PLEKHA6: variants seen among roughly 807,000 people sequenced by gnomAD.
PLEKHA6 encodes the protein pleckstrin homology domain-containing family A member 6.
A neutral mutation model predicts 116.7 loss-of-function variants in PLEKHA6; 60 were observed. The ratio of observed to expected loss-of-function variants is 0.51; its 90% CI spans 0.42 to 0.64. The LOEUF is 0.64. PLEKHA6 is among the 30% of genes least tolerant of loss of function. The pLI is 0.00. For missense variants in PLEKHA6, 1,338 were observed against 1,422.7 expected (o/e 0.94, Z 0.96); for synonymous variants, 489 against 556.1 (o/e 0.88, Z 1.70).
intron 15 of PLEKHA6, 51 bp from the exon 16 acceptor site, chr1:204,241,865 C>A: frequency 6.2e-7 from 1 of 1,600,220 alleles, no homozygotes; most frequent in South Asian, 1.1e-5. Flanking sequence ...CTGTCAGGAA[C>A]TTGGCCCCCA....
Position 204,245,637 on chromosome 1 carries a change from GC to G in PLEKHA6, c.2009del (p.Gly670AlafsTer35). 1 of 1,611,838 alleles carries G rather than the reference GC, an allele frequency of 6.2e-7. No individual in the cohort carries two copies. On this transcript the variant is annotated frameshift_variant, in exon 14 of 23. Coordinates refer to ENST00000272203, the MANE Select transcript of PLEKHA6 (RefSeq NM_014935.5). LOFTEE classifies it high-confidence loss of function. ...CACCTCTGTGCTTGGCGGTGTCCGTGCCCCGGGAGGGGTTGTTCTTCCTCAG... is the reference window on the plus strand; with the variant it reads ...CACCTCTGTGCTTGGCGGTGTCCGTGCCCGGGAGGGGTTGTTCTTCCTCAG... ...EGLRKNNPSR[G>X]TDTAKHRGGL...
chr1:204,245,040 AG>A, intron 14 of PLEKHA6, 37 bp from the exon 15 acceptor site: 1 of 1,382,402 alleles, frequency 7.2e-7, no homozygotes, highest in Non-Finnish European at 9.4e-7. Context: ...GCAATGGAGG[AG>A]GGGTGCGGCC....
In PLEKHA6 at chr1:204,356,425, G is replaced by A. The variant is rs1439182388; in HGVS notation, c.-95+3269C>T. Among the ~76,000 whole-genome samples the A allele has an allele frequency of 3.9e-5, 6 of 152,150 alleles. No individual in the cohort carries two copies. The East Asian group carries it at 7.7e-4, about 20-fold the overall frequency. On this transcript the variant is annotated intron_variant, in intron 1 of 22. Coordinates refer to ENST00000272203, the MANE Select transcript of PLEKHA6 (RefSeq NM_014935.5). ...TATCAAAAATACATAAAATTAGCCA[G>A]GTATGGTGACATGCACCTGTAGACC...
chr1:204,222,965 C>T (rs887401257), intron 22 of PLEKHA6, among the ~76,000 whole-genome samples, 186 bp from the exon 23 acceptor site: 1 of 152,138 alleles, frequency 6.6e-6, no homozygotes. Context: ...TGAGAGTGAG[C>T]GGCTGTGGGC....
Position 204,259,805 on chromosome 1 carries a change from C to T in PLEKHA6, c.525-65G>A. The T allele has an allele frequency of 6.6e-7, 1 of 1,508,326 alleles. No homozygotes were observed. The highest frequency in any genetic ancestry group is 8.9e-7 in the Non-Finnish European group (1 of 1,127,520). 93.4% of individuals were successfully genotyped at this position (1,508,326 alleles called of 1,614,324 possible). A position where few individuals can be genotyped will look rare whatever the true frequency, so the allele number is the denominator to read the frequency against. ...CCAGCATGGAGTGGGGCAGGGGGTG[C>T]CAGACTGGGAAGAAGAGGAGTGGGG... On this transcript the variant is annotated intron_variant, in intron 7 of 22. Coordinates refer to ENST00000272203, the MANE Select transcript of PLEKHA6 (RefSeq NM_014935.5). This position sits in a 1 kb window ranked among gnomAD's most constrained non-coding sequence, Gnocchi z 4.6.
At chr1:204,370,067 C>G (rs184893288) in intron 2 of PLEKHA6, among the ~76,000 whole-genome samples, 1 of 152,354 alleles carries the variant, frequency 6.6e-6, no homozygotes, top group African/African-American at 2.4e-5. Context: ...ACACTGGAAG[C>G]AATAGAACCA....
At position 204,330,086 on chromosome 1, in the gene PLEKHA6, T is replaced by C. The variant is rs541069868; in HGVS notation, c.-95+29608A>G. On this transcript the variant is annotated intron_variant, in intron 1 of 22. Coordinates refer to ENST00000272203, the MANE Select transcript of PLEKHA6 (RefSeq NM_014935.5). ...TATAAACAGTAACAGGACAGTTGAT[T>C]ACATTAAGGAATTGTTCATTTTGTT... Among the ~76,000 whole-genome samples, 6 of 152,330 alleles carry C rather than the reference T, an allele frequency of 3.9e-5. No homozygotes were observed. In the South Asian group the frequency reaches 8.3e-4, roughly 21 times the overall value.
intron 1 of PLEKHA6, among the ~76,000 whole-genome samples, chr1:204,353,555 G>A (rs1673338765): frequency 6.6e-6 from 1 of 152,122 alleles, no homozygotes; most frequent in South Asian, 2.1e-4. Flanking sequence ...CAGTGGCCAG[G>A]GCCACCGGGA....
In PLEKHA6 at chr1:204,238,961, T is replaced by C. The variant is rs1199692577; in HGVS notation, c.2409+2414A>G. Among the ~76,000 whole-genome samples, 1 of 152,164 alleles carries C rather than the reference T, an allele frequency of 6.6e-6. No homozygotes were observed. The highest frequency in any genetic ancestry group is 1.5e-5 in the Non-Finnish European group (1 of 68,036). On this transcript the variant is annotated intron_variant, in intron 17 of 22. Transcript: ENST00000272203. The surrounding 1 kb of genome is among the most constrained non-coding windows in gnomAD (Gnocchi z 4.2). Reference sequence around the variant, plus strand: ...ATACTGATTCATGGGCTGTAGCCAATGGTTTGGCTGGATGGTCAGGGACTT... The same window carrying C: ...ATACTGATTCATGGGCTGTAGCCAACGGTTTGGCTGGATGGTCAGGGACTT...
intron 1 of PLEKHA6, chr1:204,280,325 C>T (rs749024676): frequency 2.5e-5 from 25 of 985,290 alleles, no homozygotes; most frequent in Admixed American, 6.1e-5. Context: ...CCAAGTTTCA[C>T]GATCTTTTGC....
intron 11 of PLEKHA6, 92 bp downstream of exon 11, chr1:204,249,092 C>A: frequency 1.4e-6 from 2 of 1,476,134 alleles, no homozygotes; most frequent in South Asian, 2.4e-5. Context: ...CTTGCTTTGT[C>A]ATCTCAGTCA....
intron 21 of PLEKHA6, among the ~76,000 whole-genome samples, chr1:204,224,958 C>T (rs1660138025): frequency 6.6e-6 from 1 of 152,208 alleles, no homozygotes; most frequent in Non-Finnish European, 1.5e-5. Flanking sequence ...GCGAGGCTCT[C>T]AGAATTTACT....
At chr1:204,368,316 A>G (rs1296007560) in intron 2 of PLEKHA6, 1 of 152,222 alleles carries the variant, frequency 6.6e-6, no homozygotes, top group East Asian at 1.9e-4. Context: ...CTAAGATCCG[A>G]GTAAGACTCA....
intron 1 of PLEKHA6, chr1:204,311,825 C>CATG (rs1671667954): frequency 4.2e-6 from 1 of 237,444 alleles, no homozygotes; most frequent in Non-Finnish European, 6.8e-6. Flanking sequence ...CACCCATGGC[C>CATG]ATGCGGGCCC....
At chr1:204,286,274 T>C (rs966203340) in intron 1 of PLEKHA6, among the ~76,000 whole-genome samples, 1 of 151,838 alleles carries the variant, frequency 6.6e-6, no homozygotes, top group African/African-American at 2.4e-5. Flanking sequence ...ATAGCCCAGA[T>C]AAGGAAAAGA....
At chr1:204,314,528 T>C (rs1671780973) in intron 1 of PLEKHA6, among the ~76,000 whole-genome samples, 1 of 152,220 alleles carries the variant, frequency 6.6e-6, no homozygotes, top group Non-Finnish European at 1.5e-5. Context: ...GGCCTGGGGA[T>C]GGTCTAACCA....
At chr1:204,311,088 G>C (rs1332327946) in intron 1 of PLEKHA6, among the ~76,000 whole-genome samples, 1 of 152,184 alleles carries the variant, frequency 6.6e-6, no homozygotes, top group Admixed American at 6.5e-5. Context: ...GCCGGTGCAG[G>C]AAAAGGCCTC....
chr1:204,342,877 C>T (rs1672895906), intron 1 of PLEKHA6, among the ~76,000 whole-genome samples: 5 of 152,200 alleles, frequency 3.3e-5, no homozygotes, highest in Admixed American at 3.3e-4. Flanking sequence ...AGAAAAGACC[C>T]ATGGGGAGGG....
chr1:204,241,504 G>C (rs1218418212), intron 16 of PLEKHA6, 23 bp from the exon 17 acceptor site: 1 of 1,532,886 alleles, frequency 6.5e-7, no homozygotes, highest in Non-Finnish European at 8.9e-7. Flanking sequence ...AGAGTAGCCA[G>C]TGGGCCTCAT....
Sources: gnomAD v4.1 joint callset for allele counts (sites outside exome capture counted in the v4.1 genomes callset) on GRCh38, gnomAD v4.1.1 for gene constraint, Gnocchi (gnomAD v3.1) non-coding constraint, MANE v1.5 for transcripts, NCBI Gene and HGNC (gene_info 2026-07-23, HGNC 2026-07-21) for gene names.